The following NMT1 variants were observed in gnomAD, a reference collection of about 807,000 sequenced individuals.
The protein encoded by NMT1 is N-myristoyltransferase 1, also known as glycylpeptide N-tetradecanoyltransferase 1.
In NMT1, 12 loss-of-function variants were observed where a neutral mutation model predicts 63.4. That is an observed-to-expected ratio of 0.19 (90% confidence interval 0.12 to 0.31). The LOEUF is 0.31. NMT1 is among the 10% of genes least tolerant of loss of function. The probability of loss-of-function intolerance (pLI) is 1.00; values close to 1 mark genes in which losing one functional copy is unlikely to be tolerated. For missense variants in NMT1, 432 were observed against 634.6 expected, an observed-to-expected ratio of 0.68 and a Z score of 3.43; for synonymous variants, 228 against 234.3, an observed-to-expected ratio of 0.97 and a Z score of 0.25.
intron 3 of NMT1, among the ~76,000 whole-genome samples, chr17:45,093,057 C>T (rs577532534): frequency 3.3e-5 from 5 of 152,318 alleles, no homozygotes; most frequent in African/African-American, 9.6e-5. Context: ...CTATCCTGCT[C>T]AGGGAGGGGA....
At position 45,104,591 on chromosome 17, in the gene NMT1, C is replaced by A; in HGVS notation, c.1333-268C>A. On this transcript the variant is annotated intron_variant, in intron 10 of 11. Transcript: ENST00000258960. The surrounding 1 kb of genome is among the most constrained non-coding windows in gnomAD (Gnocchi z 4.2). ...TACTAGAGTTTCAGGGAGGCATAAC[C>A]AGGAATAGCAAGAGCCCCGGCCTGG... is the stretch of plus-strand genomic sequence containing the variant. 1 of 1,243,350 alleles carries A rather than the reference C, an allele frequency of 8.0e-7. No individual in the cohort carries two copies. The highest frequency in any genetic ancestry group is 1.0e-6 in the Non-Finnish European group (1 of 987,564). The allele number at this position is 1,243,350 out of a possible 1,614,324, so 77.0% of individuals were successfully genotyped here.
intron 3 of NMT1, among the ~76,000 whole-genome samples, chr17:45,089,002 C>T (rs1398563539): frequency 6.6e-6 from 1 of 152,172 alleles, no homozygotes; most frequent in East Asian, 1.9e-4. Context: ...GTGTCGGACT[C>T]CATGGAAGAG....
intron 1 of NMT1, among the ~76,000 whole-genome samples, chr17:45,078,750 C>T (rs2053993012): frequency 6.6e-6 from 1 of 152,102 alleles, no homozygotes; most frequent in Non-Finnish European, 1.5e-5. Context: ...CAGGCTCCTC[C>T]TCCCAGGCTT....
At chr17:45,081,617 T>G in intron 1 of NMT1, 27 bp from the exon 2 acceptor site, 1 of 1,586,080 alleles carries the variant, frequency 6.3e-7, no homozygotes, top group East Asian at 2.2e-5. Context: ...TTTTAAACCC[T>G]GCATTAGTAT....
Position 45,104,823 on chromosome 17 carries a change from C to T in NMT1, c.1333-36C>T. Reference sequence around the variant, plus strand: ...TAGGAAGGAGGCTGTCCCCACCTGTCCTCACCTGTTCTTGTTTGTCCCTGC... The same window carrying T: ...TAGGAAGGAGGCTGTCCCCACCTGTTCTCACCTGTTCTTGTTTGTCCCTGC... On this transcript the variant is annotated intron_variant, in intron 10 of 11. Transcript: ENST00000258960. The surrounding 1 kb of genome is among the most constrained non-coding windows in gnomAD (Gnocchi z 4.2). The T allele has an allele frequency of 2.5e-6, 4 of 1,613,450 alleles. No homozygotes were observed. Among genetic ancestry groups the T allele is most frequent in the Non-Finnish European group, 3.4e-6 (4 of 1,179,478 alleles).
chr17:45,076,207 G>C (rs1042953092), intron 1 of NMT1, among the ~76,000 whole-genome samples: 2 of 152,082 alleles, frequency 1.3e-5, no homozygotes, highest in African/African-American at 4.8e-5. Flanking sequence ...GTGAAGTGGC[G>C]TTGGCTTGCT....
At chr17:45,092,851 T>TC (rs1188446550) in intron 3 of NMT1, among the ~76,000 whole-genome samples, 2 of 152,178 alleles carry the variant, frequency 1.3e-5, no homozygotes, top group African/African-American at 4.8e-5. Context: ...TTTTGAAGAC[T>TC]CCATTTTCCA....
rs989554715 is a variant in NMT1 at position 45,074,129 on chromosome 17, C to T, written c.132-7515C>T. Reference sequence around the variant, plus strand: ...AGTACTGAAGTTAGTTTTCCATCTCCTCCCCAAGGTCTGAATTTATACAGG... The same window carrying T: ...AGTACTGAAGTTAGTTTTCCATCTCTTCCCCAAGGTCTGAATTTATACAGG... On this transcript the variant is annotated intron_variant, in intron 1 of 11. Transcript: ENST00000258960. 5.3e-5 allele frequency among the ~76,000 whole-genome samples: 8 copies of T among 152,292 alleles called. No homozygotes were observed. The South Asian group carries it at 1.7e-3, about 32-fold the overall frequency.
chr17:45,103,652 C>A lies in NMT1; in HGVS notation c.1165-57C>A. On this transcript the variant is annotated intron_variant, in intron 9 of 11. Transcript: ENST00000258960. The surrounding 1 kb of genome is among the most constrained non-coding windows in gnomAD (Gnocchi z 4.8). ...TGGAGTGAGAGAAACATTTTGTTCC[C>A]GGGCCGCAGTGCCACTGTGCATGCT... The A allele has an allele frequency of 6.5e-7, 1 of 1,528,230 alleles. No individual in the cohort carries two copies. Among genetic ancestry groups the A allele is most frequent in the Non-Finnish European group, 8.9e-7 (1 of 1,128,568 alleles). The allele number at this position is 1,528,230 out of a possible 1,614,324, so 94.7% of individuals were successfully genotyped here.
Position 45,104,155 on chromosome 17 carries a change from T to C in NMT1, c.1332+279T>C, listed in dbSNP as rs2054188011. Reference sequence around the variant, plus strand: ...CCAAGGAGCCTGAATAGCCAGGCCTTCCCTGGGAGGACAGGGCTTCTCCTC... The same window carrying C: ...CCAAGGAGCCTGAATAGCCAGGCCTCCCCTGGGAGGACAGGGCTTCTCCTC... On this transcript the variant is annotated intron_variant, in intron 10 of 11. Coordinates refer to ENST00000258960, the MANE Select transcript of NMT1 (RefSeq NM_021079.5). The surrounding 1 kb of genome is among the most constrained non-coding windows in gnomAD (Gnocchi z 4.2). 7.5e-7 allele frequency: 1 copy of C among 1,331,796 alleles called. No homozygotes were observed. Among genetic ancestry groups the C allele is most frequent in the African/African-American group, 1.5e-5 (1 of 67,484 alleles). The allele number at this position is 1,331,796 out of a possible 1,614,324, so 82.5% of individuals were successfully genotyped here.
Position 45,097,212 on chromosome 17 carries a change from C to T in NMT1, c.681C>T (p.Ser227=), listed in dbSNP as rs772957252. 47 of 1,613,942 alleles carry T rather than the reference C, an allele frequency of 2.9e-5. No individual in the cohort carries two copies. The highest frequency in any genetic ancestry group is 3.6e-5 in the Non-Finnish European group (42 of 1,179,924). The change falls in exon 6 of 12, where the codon AGC becomes AGT. Residue 227 remains serine, a synonymous_variant. Coordinates refer to ENST00000258960, the MANE Select transcript of NMT1 (RefSeq NM_021079.5). ...VSSRKLVGFI[S]AIPANIHIYD... ...GTCGGAAATTGGTTGGGTTCATTAG[C>T]GCCATCCCAGCAAACATCCATATCT...
chr17:45,082,075 CTG>C (rs2054020449), intron 2 of NMT1, among the ~76,000 whole-genome samples: 1 of 152,140 alleles, frequency 6.6e-6, no homozygotes, highest in Admixed American at 6.6e-5. Context: ...CAGTGGTTCT[CTG>C]TCTTAAGTCC....
chr17:45,066,721 G>GT (rs2053905337), intron 1 of NMT1, among the ~76,000 whole-genome samples: 1 of 151,840 alleles, frequency 6.6e-6, no homozygotes, highest in African/African-American at 2.4e-5. Context: ...TAAAATTATT[G>GT]TTATTACTTT....
intron 1 of NMT1, among the ~76,000 whole-genome samples, chr17:45,076,750 CAA>C (rs796462258): frequency 9.1e-5 from 12 of 132,268 alleles, no homozygotes; most frequent in Admixed American, 3.9e-4. Context: ...AACTCTGTCT[CAA>C]AAAAAAAAAA....
intron 8 of NMT1, among the ~76,000 whole-genome samples, chr17:45,102,664 GGA>G (rs1027091087): frequency 6.6e-6 from 1 of 152,260 alleles, no homozygotes; most frequent in African/African-American, 2.4e-5. Context: ...TCTGGGGTGG[GGA>G]GTTTGAAACA....
chr17:45,066,672 T>C lies in NMT1; in HGVS notation c.131+5212T>C, dbSNP rs114311513. ...CATATGCAGTGTGTATGGGTGCGTC[T>C]CTTCAGTTTTTCTATTTAAAAATTT... On this transcript the variant is annotated intron_variant, in intron 1 of 11. Coordinates refer to ENST00000258960, the MANE Select transcript of NMT1 (RefSeq NM_021079.5). Among the ~76,000 whole-genome samples the C allele has an allele frequency of 1.6e-3, 251 of 152,166 alleles. 4 individuals are homozygous for C. Among genetic ancestry groups the C allele is most frequent in the African/African-American group, 5.9e-3 (245 of 41,518 alleles).
Position 45,072,757 on chromosome 17 carries a change from C to A in NMT1, c.132-8887C>A, listed in dbSNP as rs186063114. On this transcript the variant is annotated intron_variant, in intron 1 of 11. Transcript: ENST00000258960. Reference sequence around the variant, plus strand: ...TGCGTTTTTAGTAGAGACGGGGTTTCACCATGTTAGCCAGGATGGTCTCGA... The same window carrying A: ...TGCGTTTTTAGTAGAGACGGGGTTTAACCATGTTAGCCAGGATGGTCTCGA... Among the ~76,000 whole-genome samples, 4 of 151,104 alleles carry A rather than the reference C, an allele frequency of 2.6e-5. No homozygotes were observed. The East Asian group carries it at 7.9e-4, about 30-fold the overall frequency.
intron 8 of NMT1, among the ~76,000 whole-genome samples, chr17:45,102,204 A>C (rs1326045152): frequency 6.6e-6 from 1 of 152,246 alleles, no homozygotes; most frequent in Non-Finnish European, 1.5e-5. Context: ...GCACTGACTG[A>C]GGCCTGTAAA....
At position 45,103,983 on chromosome 17, in the gene NMT1, G is replaced by A. The variant is rs1025420514; in HGVS notation, c.1332+107G>A. 1.3e-6 allele frequency: 2 copies of A among 1,599,412 alleles called. No individual in the cohort carries two copies. The highest frequency in any genetic ancestry group is 2.7e-5 in the African/African-American group (2 of 75,018). ...GCCTCCCATGGGCTGGAGGCTCTGA[G>A]CCCTCCTCATCTGTTCTGCTTAGGC... On this transcript the variant is annotated intron_variant, in intron 10 of 11. Coordinates refer to ENST00000258960, the MANE Select transcript of NMT1 (RefSeq NM_021079.5). This position sits in a 1 kb window ranked among gnomAD's most constrained non-coding sequence, Gnocchi z 4.8.
Sources: allele counts gnomAD v4.1 joint callset (sites outside exome capture counted in the v4.1 genomes callset), GRCh38; gene constraint gnomAD v4.1.1; non-coding constraint Gnocchi (gnomAD v3.1); transcripts MANE v1.5; gene names NCBI Gene and HGNC (gene_info 2026-07-23, HGNC 2026-07-21).